Variants in TTC3 observed in about 807,000 individuals in gnomAD.
The protein encoded by TTC3 is E3 ubiquitin-protein ligase TTC3.
In TTC3, 180 loss-of-function variants were observed where a neutral mutation model predicts 249.6. That is an observed-to-expected ratio of 0.72 (90% confidence interval 0.64 to 0.82). The LOEUF is 0.82. Ranked by LOEUF, TTC3 falls within the 40% of genes least tolerant of loss-of-function variation. TTC3 has a pLI of 0.00. For synonymous variants in TTC3, 717 were observed against 805.0 expected (o/e 0.89, Z 1.85); for missense variants, 2,061 against 2,398.4 (o/e 0.86, Z 2.94).
chr21:37,150,100 T>C, exon 24 of TTC3: 1 of 1,612,296 alleles, frequency 6.2e-7, no homozygotes, highest in Middle Eastern at 1.7e-4. Flanking sequence ...GGAATATGTC[T>C]TACCCCTGAC....
At chr21:37,179,774 A>G (rs1472783981) in intron 35 of TTC3, among the ~76,000 whole-genome samples, 1 of 152,146 alleles carries the variant, frequency 6.6e-6, no homozygotes, top group Non-Finnish European at 1.5e-5. Flanking sequence ...AGACAAGACT[A>G]CAAACACATG....
chr21:37,095,137 A>ATGTGTGTGTGTGTGTG (rs57682889), intron 8 of TTC3, among the ~76,000 whole-genome samples: 4,796 of 147,440 alleles, frequency 0.033, 82 homozygotes, highest in East Asian at 0.054. Flanking sequence ...CTCTAAAAAT[A>ATGTGTGTGTGTGTGTG]TGTGTGTGTG....
At chr21:37,201,485 C>A (rs201709651) in exon 46 of TTC3, 2 of 1,614,018 alleles carry the variant, frequency 1.2e-6, no homozygotes, top group South Asian at 2.2e-5. Context: ...CCCGGCCTGC[C>A]AGGGTCGTGA....
intron 9 of TTC3, 46 bp downstream of exon 9, chr21:37,095,490 A>C (rs768369336): frequency 8.1e-7 from 1 of 1,233,144 alleles, no homozygotes; most frequent in South Asian, 1.4e-5. Context: ...ATGGCACATC[A>C]AGTTAGAATG....
chr21:37,145,775 C>T (rs1276826238), intron 21 of TTC3, among the ~76,000 whole-genome samples: 1 of 152,128 alleles, frequency 6.6e-6, no homozygotes, highest in Non-Finnish European at 1.5e-5. Context: ...CTGTAGAGAT[C>T]ATATAGTGAG....
At chr21:37,152,261 T>C (rs538484167) in intron 26 of TTC3, among the ~76,000 whole-genome samples, 1 of 152,342 alleles carries the variant, frequency 6.6e-6, no homozygotes, top group Non-Finnish European at 1.5e-5. Context: ...TCAGAGATTG[T>C]ATTTTAACTT....
intron 34 of TTC3, among the ~76,000 whole-genome samples, chr21:37,172,081 TTTG>T (rs1340326475): frequency 5.3e-5 from 8 of 152,246 alleles, no homozygotes; most frequent in African/African-American, 1.9e-4. Flanking sequence ...TGGGGTTTTT[TTTG>T]TTGTTGTTAA....
Position 37,174,614 on chromosome 21 carries a change from TG to T in TTC3, c.4617+1871del, listed in dbSNP as rs2082077503. ...TTTATACTCCAGTTACTTGATGCCA[TG>T]TTTGGATGTAGCAAATGCATACCCA... is the stretch of plus-strand genomic sequence containing the variant. On this transcript the variant is annotated intron_variant, in intron 35 of 45. Transcript: ENST00000355666. 5.9e-5 allele frequency among the ~76,000 whole-genome samples: 9 copies of T among 152,264 alleles called. No homozygotes were observed. In the South Asian group the frequency reaches 1.9e-3, roughly 32 times the overall value.
intron 9 of TTC3, 40 bp downstream of exon 9, chr21:37,095,484 C>A: frequency 1.5e-6 from 2 of 1,312,620 alleles, no homozygotes; most frequent in Admixed American, 2.2e-5. Context: ...TTTTCTATGG[C>A]ACATCAAGTT....
chr21:37,138,528 TA>T, intron 18 of TTC3, 105 bp from the exon 19 acceptor site: 1 of 680,430 alleles, frequency 1.5e-6, no homozygotes, highest in Non-Finnish European at 2.6e-6. Context: ...CATTGATTCG[TA>T]AGATTGATTA....
exon 16 of TTC3, chr21:37,129,016 A>G (rs1408242033): frequency 1.3e-6 from 2 of 1,595,786 alleles, no homozygotes; most frequent in Non-Finnish European, 1.7e-6. Flanking sequence ...AGCCTCCAAA[A>G]CATAAAGGAA....
chr21:37,152,171 T>A, intron 26 of TTC3, 142 bp downstream of exon 26: 8 of 1,030,172 alleles, frequency 7.8e-6, no homozygotes, highest in South Asian at 2.5e-5. Flanking sequence ...CACTGTCTTC[T>A]GTTACTCGAA....
chr21:37,086,445 G>GA (rs34615228), intron 1 of TTC3: 68,952 of 151,706 alleles, frequency 0.45, 16,219 homozygotes, highest in Non-Finnish European at 0.52. Flanking sequence ...GATTCTTCAG[G>GA]AAAAAAAACC....
rs1327717237 is a variant in TTC3, at chr21:37,164,055, C to T, written c.3175C>T (p.Arg1059Ter). 2.5e-6 allele frequency: 4 copies of T among 1,599,336 alleles called. No individual in the cohort carries two copies. The highest frequency in any genetic ancestry group is 3.4e-6 in the Non-Finnish European group (4 of 1,175,684). ...TTTTTTGTTGTTATTTACCAGCAAT[C>T]GAAATTCAGATTCTGCAGGCCCATT... The change falls in exon 32 of 46, where the codon CGA becomes TGA. Residue 1059 changes from arginine (R) to a stop codon, truncating the protein, a stop_gained. Coordinates refer to ENST00000355666, the Ensembl canonical transcript of TTC3. LOFTEE classifies it high-confidence loss of function.
exon 39 of TTC3, chr21:37,188,501 G>A (rs371499728): frequency 6.8e-6 from 11 of 1,612,852 alleles, no homozygotes; most frequent in African/African-American, 4.0e-5. Flanking sequence ...GCAGGTATCC[G>A]TACTTGAAAA....
intron 11 of TTC3, among the ~76,000 whole-genome samples, chr21:37,115,389 G>T (rs1456810239): frequency 1.3e-5 from 2 of 152,042 alleles, no homozygotes; most frequent in African/African-American, 2.4e-5. Context: ...TCTGGTGTTG[G>T]TGGGTATGTG....
intron 7 of TTC3, among the ~76,000 whole-genome samples, chr21:37,091,787 T>C (rs958961970): frequency 6.6e-6 from 1 of 152,168 alleles, no homozygotes; most frequent in Non-Finnish European, 1.5e-5. Context: ...TTCACCGTGT[T>C]CACCAGGTTG....
At chr21:37,112,596 G>T (rs539556920) in intron 11 of TTC3, among the ~76,000 whole-genome samples, 1 of 152,124 alleles carries the variant, frequency 6.6e-6, no homozygotes, top group Non-Finnish European at 1.5e-5. Flanking sequence ...ATTCACAGCC[G>T]AATTCTACCA....
At position 37,161,979 on chromosome 21, in the gene TTC3, T is replaced by G. The variant is rs760790108; in HGVS notation, c.3097-11T>G. 6.5e-7 allele frequency: 1 copy of G among 1,548,902 alleles called. No homozygotes were observed. Among genetic ancestry groups the G allele is most frequent in the Non-Finnish European group, 8.7e-7 (1 of 1,143,650 alleles). On this transcript the variant is annotated splice_polypyrimidine_tract_variant and intron_variant, in intron 30 of 45. Transcript: ENST00000355666. ...AGAAAATCATTGTCATTTTTCTGTC[T>G]TTTAAACCAGCCTATGTTAGTTGGG...
Sources: gnomAD v4.1 joint callset for allele counts (sites outside exome capture counted in the v4.1 genomes callset) on GRCh38, gnomAD v4.1.1 for gene constraint, MANE v1.5 for transcripts, NCBI Gene and HGNC (gene_info 2026-07-23, HGNC 2026-07-21) for gene names.